Variants in PSME4 observed in about 807,000 individuals in gnomAD.
PSME4 encodes proteasome activator complex subunit 4.
PSME4 carries 89 observed loss-of-function variants against 253.9 expected under a neutral mutation model. The ratio of observed to expected loss-of-function variants is 0.35; its 90% confidence interval spans 0.30 to 0.42. PSME4 has a LOEUF of 0.42. Ranked by LOEUF, PSME4 falls within the 10% of genes least tolerant of loss-of-function variation. The pLI, the probability that PSME4 is intolerant of heterozygous loss-of-function variation, is 1.00. For missense variants in PSME4, 2,014 were observed against 2,195.2 expected (o/e 0.92, Z 1.65); for synonymous variants, 851 against 759.2 (o/e 1.12, Z -1.99).
rs758487802 is a variant in PSME4 at position 53,910,059 on chromosome 2, AT to A, written c.2572+15del. On this transcript the variant is annotated intron_variant, in intron 21 of 46. Coordinates refer to ENST00000404125, the MANE Select transcript of PSME4 (RefSeq NM_014614.3). ...AAATAATCCACACAGATTTACTCAG[AT>A]TAGGATTCACATACCATATTCAAGT... 3.8e-6 allele frequency: 6 copies of A among 1,578,302 alleles called. No individual in the cohort carries two copies. Among genetic ancestry groups the A allele is most frequent in the East Asian group, 4.5e-5 (2 of 44,676 alleles).
chr2:53,894,624 G>GCCTC (rs1680059446), intron 34 of PSME4, among the ~76,000 whole-genome samples: 1 of 152,148 alleles, frequency 6.6e-6, no homozygotes, highest in African/African-American at 2.4e-5. Context: ...AGTTTTAACT[G>GCCTC]AAATCTACCA....
In PSME4 at chr2:53,923,350, C is replaced by G; in HGVS notation, c.1879G>C (p.Val627Leu). ...ACAGCAGCGCGGCACATGTCTGCCA[C>G]CATGCGACCTGCTACTCTTGTTTCA... Reference protein sequence around the residue: ...IFETRVAGRMVADMCRAAVKC... With the variant: ...IFETRVAGRMLADMCRAAVKC... Residue 627 changes from valine to leucine, a missense_variant, in exon 15 of 47, where the codon GTG (valine) becomes CTG (leucine). Val to Leu is a conservative substitution (Grantham distance 32). Around this residue, in one of 4 missense-constraint regions of PSME4, gnomAD observed 989 missense variants for 1,021.1 expected, o/e 0.97. Coordinates refer to ENST00000404125, the MANE Select transcript of PSME4 (RefSeq NM_014614.3). 1 of 1,610,476 alleles carries G rather than the reference C, an allele frequency of 6.2e-7. No individual in the cohort carries two copies. Among genetic ancestry groups the G allele is most frequent in the Non-Finnish European group, 8.5e-7 (1 of 1,179,088 alleles).
intron 1 of PSME4, among the ~76,000 whole-genome samples, chr2:53,955,129 C>G (rs1670173592): frequency 6.6e-6 from 1 of 152,060 alleles, no homozygotes; most frequent in African/African-American, 2.4e-5. Context: ...CATGATCTTG[C>G]CACTGCATTT....
intron 14 of PSME4, among the ~76,000 whole-genome samples, chr2:53,924,482 A>C (rs1384925172): frequency 2.0e-5 from 3 of 152,204 alleles, no homozygotes; most frequent in Non-Finnish European, 4.4e-5. Flanking sequence ...ATGCTTACTG[A>C]ATGTCTTATG....
chr2:53,888,004 T>A lies in PSME4; in HGVS notation c.4389-15A>T, dbSNP rs1333701173. 1.2e-6 allele frequency: 2 copies of A among 1,604,556 alleles called. No homozygotes were observed. The highest frequency in any genetic ancestry group is 1.3e-5 in the African/African-American group (1 of 74,346). ...CATAAAGTCGACTAAAATTAAAGCA[T>A]CGTAGTGTTATATTGGAGGCCCTTT... On this transcript the variant is annotated splice_polypyrimidine_tract_variant and intron_variant, in intron 38 of 46. Transcript: ENST00000404125.
At chr2:53,941,770 TA>T (rs1480976358) in intron 3 of PSME4, among the ~76,000 whole-genome samples, 1 of 152,082 alleles carries the variant, frequency 6.6e-6, no homozygotes, top group Non-Finnish European at 1.5e-5. Flanking sequence ...AAAATGAGCA[TA>T]AGATACATAA....
chr2:53,945,462 G>A (rs902572650), intron 3 of PSME4, among the ~76,000 whole-genome samples: 1 of 152,070 alleles, frequency 6.6e-6, no homozygotes, highest in Non-Finnish European at 1.5e-5. Flanking sequence ...AGGGTCTTTT[G>A]TCCTAGAGGC....
rs140403251 is a variant in PSME4 at position 53,916,991 on chromosome 2, C to G, written c.2516+2160G>C. On this transcript the variant is annotated intron_variant, in intron 20 of 46. Transcript: ENST00000404125. ...CAGATACATGTAACTAAAAAGAACC[C>G]TAAAAATACGTATTATTCAATTATT... 6.6e-5 allele frequency among the ~76,000 whole-genome samples: 10 copies of G among 151,706 alleles called. No individual in the cohort carries two copies. In the East Asian group the frequency reaches 1.9e-3, roughly 29 times the overall value.
intron 1 of PSME4, among the ~76,000 whole-genome samples, chr2:53,951,360 G>A (rs1246484509): frequency 6.6e-6 from 1 of 152,204 alleles, no homozygotes; most frequent in Non-Finnish European, 1.5e-5. Context: ...GGGATTATAG[G>A]CGTGAGCCAC....
chr2:53,894,907 T>C (rs1227510443), intron 34 of PSME4, 100 bp downstream of exon 34: 17 of 1,062,270 alleles, frequency 1.6e-5, no homozygotes, highest in Non-Finnish European at 2.2e-5. Flanking sequence ...ACACAAATTG[T>C]ATTAAGAAAA....
At chr2:53,878,576 A>C (rs1679239628) in intron 41 of PSME4, among the ~76,000 whole-genome samples, 1 of 152,244 alleles carries the variant, frequency 6.6e-6, no homozygotes. Context: ...TTTCTCAGCA[A>C]GTAACATCCC....
chr2:53,940,205 C>G lies in PSME4; in HGVS notation c.501-205G>C, dbSNP rs533013189. ...TCTACTCTTTCCTTTGCCCTCATTT[C>G]GCTGTCTCTGGTATGAACTAAAGGG... is the stretch of plus-strand genomic sequence containing the variant. On this transcript the variant is annotated intron_variant, in intron 3 of 46. Coordinates refer to ENST00000404125, the MANE Select transcript of PSME4 (RefSeq NM_014614.3). 1.1e-4 allele frequency among the ~76,000 whole-genome samples: 16 copies of G among 152,158 alleles called. No homozygotes were observed. The South Asian group carries it at 3.3e-3, about 32-fold the overall frequency.
At position 53,934,697 on chromosome 2, in the gene PSME4, G is replaced by C. The variant is rs1265162309; in HGVS notation, c.865C>G (p.Leu289Val). 6 of 1,599,296 alleles carry C rather than the reference G, an allele frequency of 3.8e-6. No homozygotes were observed. The highest frequency in any genetic ancestry group is 5.1e-6 in the Non-Finnish European group (6 of 1,167,440). Reference protein sequence around the residue: ...IFTRILRSLNLPVGSSQVLVP... With the variant: ...IFTRILRSLNVPVGSSQVLVP... The stretch of plus-strand genomic sequence containing the variant: ...AACACTTGACTGCTTCCCACTGGGA[G>C]GTTCAAGCTTCTCAGAATTCTTGTA... Residue 289 changes from leucine to valine, a missense_variant, in exon 8 of 47, where the codon CTC (leucine) becomes GTC (valine). Leu to Val is a conservative substitution (Grantham distance 32). Around this residue, in one of 4 missense-constraint regions of PSME4, gnomAD observed 615 missense variants for 594.4 expected, o/e 1.03. Coordinates refer to ENST00000404125, the MANE Select transcript of PSME4 (RefSeq NM_014614.3).
At chr2:53,895,437 T>C (rs760903341) in intron 33 of PSME4, 146 bp downstream of exon 33, 7 of 823,060 alleles carry the variant, frequency 8.5e-6, no homozygotes, top group African/African-American at 3.4e-5. Flanking sequence ...AGGCATAGCA[T>C]TGGCAGGAGC....
rs141717161 is a variant in PSME4, at chr2:53,909,322, T to C, written c.2573-482A>G. Among the ~76,000 whole-genome samples the C allele has an allele frequency of 1.0e-3, 154 of 152,282 alleles. 1 individual carries two copies. The East Asian group carries it at 0.018, about 18-fold the overall frequency. Reference sequence around the variant, plus strand: ...GAAAGGGTGCTAAATTTCTATTAGATTTAGAACATTAACAATAAAATGTTT... The same window carrying C: ...GAAAGGGTGCTAAATTTCTATTAGACTTAGAACATTAACAATAAAATGTTT... On this transcript the variant is annotated intron_variant, in intron 21 of 46. Transcript: ENST00000404125.
chr2:53,897,186 T>TC (rs962502078), intron 31 of PSME4, among the ~76,000 whole-genome samples: 1 of 149,980 alleles, frequency 6.7e-6, no homozygotes, highest in Non-Finnish European at 1.5e-5. Flanking sequence ...TTTTTTTTTT[T>TC]TGACAGAGTT....
chr2:53,940,165 ACCTAAACTCCTTAATCTACTCTTT>A (rs1486198806), intron 3 of PSME4, among the ~76,000 whole-genome samples, 165 bp from the exon 4 acceptor site: 1 of 152,080 alleles, frequency 6.6e-6, no homozygotes, highest in Non-Finnish European at 1.5e-5. Context: ...AGGATTAACT[ACCTAAACTCCTTAATCTACTCTTT>A]CCTTTGCCCT....
At chr2:53,941,205 T>C (rs948069407) in intron 3 of PSME4, among the ~76,000 whole-genome samples, 2 of 145,626 alleles carry the variant, frequency 1.4e-5, no homozygotes, top group African/African-American at 5.1e-5. Flanking sequence ...ATCTCATTAC[T>C]TGGAGCAGTA....
intron 10 of PSME4, 136 bp from the exon 11 acceptor site, chr2:53,928,439 C>T: frequency 2.9e-6 from 2 of 689,174 alleles, no homozygotes; most frequent in Non-Finnish European, 4.6e-6. Context: ...GAGTGAAAAT[C>T]TGCAATCAAA....
Sources: gnomAD v4.1 joint callset for allele counts (sites outside exome capture counted in the v4.1 genomes callset) on GRCh38, gnomAD v4.1.1 for gene constraint, gnomAD v4.1.1 regional missense constraint, MANE v1.5 for transcripts, NCBI Gene and HGNC (gene_info 2026-07-23, HGNC 2026-07-21) for gene names.